Variants in ZNHIT6 observed in about 807,000 individuals in gnomAD.
The protein encoded by ZNHIT6 is zinc finger HIT-type containing 6.
ZNHIT6 carries 45 observed loss-of-function variants against 57.2 expected under a neutral mutation model. The observed-to-expected ratio is 0.79, with a 90% CI of 0.62 to 1.01. The LOEUF (loss-of-function observed/expected upper bound fraction) is 1.01. Among genes scored for constraint, ZNHIT6 ranks in the 50% least tolerant of loss-of-function variants. The pLI, the probability that ZNHIT6 is intolerant of heterozygous loss-of-function variation, is 0.00. For missense variants in ZNHIT6, 528 were observed against 567.3 expected, an observed-to-expected ratio of 0.93 and a Z score of 0.70; for synonymous variants, 188 against 190.0, an observed-to-expected ratio of 0.99 and a Z score of 0.09.
intron 6 of ZNHIT6, among the ~76,000 whole-genome samples, chr1:85,679,581 T>TTA (rs1553156725): frequency 1.1e-4 from 16 of 146,846 alleles, no homozygotes; most frequent in African/African-American, 2.3e-4. Flanking sequence ...TTTTTTTTTT[T>TTA]AATTTTTTTG....
In ZNHIT6 at chr1:85,708,398, C is replaced by A. The variant is rs1315580766; in HGVS notation, c.-114G>T. ...ACGGCGGCCCACGTGTGGAGCCAAGCAGCCACAAACCCGGAATAGCCTGCT... is the reference window on the plus strand; with the variant it reads ...ACGGCGGCCCACGTGTGGAGCCAAGAAGCCACAAACCCGGAATAGCCTGCT... On this transcript the variant is annotated 5_prime_UTR_variant, in exon 1 of 10. Coordinates refer to ENST00000370574, the MANE Select transcript of ZNHIT6 (RefSeq NM_017953.4). 11 of 1,348,374 alleles carry A rather than the reference C, an allele frequency of 8.2e-6. No homozygotes were observed. Among genetic ancestry groups the A allele is most frequent in the Non-Finnish European group, 1.1e-5 (11 of 1,004,462 alleles). 83.5% of individuals were successfully genotyped at this position (1,348,374 alleles called of 1,614,324 possible).
chr1:85,653,893 C>T lies in ZNHIT6; in HGVS notation c.*165G>A. The T allele has an allele frequency of 1.7e-6, 1 of 599,330 alleles. No individual in the cohort carries two copies. Among genetic ancestry groups the T allele is most frequent in the Non-Finnish European group, 2.9e-6 (1 of 342,112 alleles). The allele number at this position is 599,330 out of a possible 1,614,324, so 37.1% of individuals were successfully genotyped here. ...AATGGGTCTTACAAGTCAATTAATT[C>T]AAGAGGTTATAAAATACATTTTTTA... On this transcript the variant is annotated 3_prime_UTR_variant, in exon 10 of 10. Transcript: ENST00000370574.
intron 5 of ZNHIT6, among the ~76,000 whole-genome samples, chr1:85,688,648 T>A (rs923201295): frequency 2.6e-5 from 4 of 152,156 alleles, no homozygotes; most frequent in African/African-American, 7.2e-5. Context: ...CTTAAGAAAA[T>A]CAACATACTT....
chr1:85,704,176 T>G (rs1426410986), intron 4 of ZNHIT6, among the ~76,000 whole-genome samples: 2 of 152,112 alleles, frequency 1.3e-5, no homozygotes, highest in Non-Finnish European at 2.9e-5. Flanking sequence ...TTGGTGAGAG[T>G]GTAAACTAGT....
At position 85,662,228 on chromosome 1, in the gene ZNHIT6, A is replaced by G. The variant is rs547140423; in HGVS notation, c.1248-4257T>C. ...AAGAAACGAAATCACAAACCACTTT[A>G]TGTCCCATCTGATCACTGACACTCC... On this transcript the variant is annotated intron_variant, in intron 8 of 9. Transcript: ENST00000370574. Among the ~76,000 whole-genome samples, 4 of 151,676 alleles carry G rather than the reference A, an allele frequency of 2.6e-5. No homozygotes were observed. The South Asian group carries it at 8.3e-4, about 32-fold the overall frequency.
At position 85,662,333 on chromosome 1, in the gene ZNHIT6, G is replaced by A. The variant is rs1661249021; in HGVS notation, c.1248-4362C>T. On this transcript the variant is annotated intron_variant, in intron 8 of 9. Coordinates refer to ENST00000370574, the MANE Select transcript of ZNHIT6 (RefSeq NM_017953.4). ...CTCCAAATTTAGCAATCTAGTAGCA[G>A]GCCCTAGGCCACAGTATTTTTCCAC... Among the ~76,000 whole-genome samples the A allele has an allele frequency of 2.6e-5, 4 of 151,952 alleles. No individual in the cohort carries two copies. In the South Asian group the frequency reaches 8.3e-4, roughly 31 times the overall value.
chr1:85,693,491 A>ATATAGC (rs1437533358), intron 5 of ZNHIT6, among the ~76,000 whole-genome samples: 1 of 152,212 alleles, frequency 6.6e-6, no homozygotes, highest in Non-Finnish European at 1.5e-5. Flanking sequence ...GACTTGGACA[A>ATATAGC]TATAGCTGAA....
At position 85,658,187 on chromosome 1, in the gene ZNHIT6, C is replaced by A. The variant is rs555361238; in HGVS notation, c.1248-216G>T. Among the ~76,000 whole-genome samples, 10 of 152,024 alleles carry A rather than the reference C, an allele frequency of 6.6e-5. No individual in the cohort carries two copies. In the South Asian group the frequency reaches 1.9e-3, roughly 28 times the overall value. ...GTTCTAAAACTAAATAAAAAAAAAT[C>A]AAATATTCTGACATTAGGAAAGCTC... On this transcript the variant is annotated intron_variant, in intron 8 of 9. Coordinates refer to ENST00000370574, the MANE Select transcript of ZNHIT6 (RefSeq NM_017953.4).
At chr1:85,690,164 G>A (rs973859923) in intron 5 of ZNHIT6, among the ~76,000 whole-genome samples, 7 of 152,068 alleles carry the variant, frequency 4.6e-5, no homozygotes, top group Admixed American at 4.6e-4. Flanking sequence ...AAGGTGGAGA[G>A]AGACTATAAA....
Position 85,666,341 on chromosome 1 carries a change from G to C in ZNHIT6, c.1248-8370C>G, listed in dbSNP as rs17128061. On this transcript the variant is annotated intron_variant, in intron 8 of 9. Coordinates refer to ENST00000370574, the MANE Select transcript of ZNHIT6 (RefSeq NM_017953.4). ...AATATTCTATAACATAACAAGGATA[G>C]GTAAGTTTAGTAGATTAACATTACG... Among the ~76,000 whole-genome samples the C allele has an allele frequency of 9.4e-3, 1,427 of 152,146 alleles. 57 individuals are homozygous for C. Among genetic ancestry groups the C allele is most frequent in the Admixed American group, 0.063 (955 of 15,278 alleles).
Position 85,651,597 on chromosome 1 carries a change from C to A in ZNHIT6, c.*2461G>T, listed in dbSNP as rs981950343. The A allele has an allele frequency of 2.6e-5, 4 of 152,010 alleles. No homozygotes were observed. The highest frequency in any genetic ancestry group is 6.5e-5 in the Admixed American group (1 of 15,268). The allele number at this position is 152,010 out of a possible 1,614,324, so 9.4% of individuals were successfully genotyped here. A position where few individuals can be genotyped will look rare whatever the true frequency, so the allele number is the denominator to read the frequency against. ...TTTACTATAATTTATGACTATTAAT[C>A]CTATATGTATAATTAGCAATTATGA... On this transcript the variant is annotated 3_prime_UTR_variant, in exon 10 of 10. Transcript: ENST00000370574.
intron 5 of ZNHIT6, among the ~76,000 whole-genome samples, chr1:85,699,133 A>C (rs1409546839): frequency 6.6e-6 from 1 of 152,148 alleles, no homozygotes; most frequent in South Asian, 2.1e-4. Flanking sequence ...ATTGAAAACT[A>C]GTCTCTTAGA....
At chr1:85,697,651 T>C (rs780675560) in intron 5 of ZNHIT6, among the ~76,000 whole-genome samples, 132 of 152,204 alleles carry the variant, frequency 8.7e-4, no homozygotes, top group Non-Finnish European at 1.7e-3. Flanking sequence ...CATTCTTTTT[T>C]CAGATTTTTC....
chr1:85,682,351 T>C (rs1010520074), intron 5 of ZNHIT6, among the ~76,000 whole-genome samples: 1 of 151,936 alleles, frequency 6.6e-6, no homozygotes, highest in East Asian at 1.9e-4. Context: ...ATGCATAATA[T>C]AGTTTCTTCC....
intron 4 of ZNHIT6, among the ~76,000 whole-genome samples, chr1:85,702,571 G>T (rs1662567962): frequency 6.6e-6 from 1 of 152,150 alleles, no homozygotes; most frequent in Non-Finnish European, 1.5e-5. Flanking sequence ...AGCCAAAGAA[G>T]AATTTAATGG....
chr1:85,655,808 T>C (rs530460267), intron 9 of ZNHIT6, among the ~76,000 whole-genome samples: 1 of 152,280 alleles, frequency 6.6e-6, no homozygotes, highest in African/African-American at 2.4e-5. Context: ...GTTAACCTTT[T>C]CCATTACTGA....
Position 85,657,913 on chromosome 1 carries a change from T to C in ZNHIT6, c.1306A>G (p.Ile436Val). The C allele has an allele frequency of 1.2e-6, 2 of 1,600,198 alleles. No homozygotes were observed. The change falls in exon 9 of 10, where the codon ATT becomes GTT. Residue 436 changes from isoleucine (I) to valine (V), a missense_variant. By Grantham distance (29) the Ile-to-Val change is conservative. Coordinates refer to ENST00000370574, the MANE Select transcript of ZNHIT6 (RefSeq NM_017953.4). ...LLDNLRNKVI[I>V]EYPTLHVVLK... ...ACCACATGTAATGTTGGATACTCAATGATCACTTTGTTCCTCAAATTGTCT... is the reference window on the plus strand; with the variant it reads ...ACCACATGTAATGTTGGATACTCAACGATCACTTTGTTCCTCAAATTGTCT...
chr1:85,655,432 A>C (rs191549454), intron 9 of ZNHIT6, among the ~76,000 whole-genome samples: 1 of 152,208 alleles, frequency 6.6e-6, no homozygotes, highest in Non-Finnish European at 1.5e-5. Flanking sequence ...CCAGTAATCA[A>C]TTTTGGGTTG....
intron 5 of ZNHIT6, among the ~76,000 whole-genome samples, chr1:85,682,084 G>A (rs1275937380): frequency 6.7e-6 from 1 of 148,910 alleles, no homozygotes; most frequent in African/African-American, 2.5e-5. Flanking sequence ...CATGATCTCG[G>A]TTCACTGCAA....
Sources: gnomAD v4.1 joint callset for allele counts (sites outside exome capture counted in the v4.1 genomes callset) on GRCh38, gnomAD v4.1.1 for gene constraint, MANE v1.5 for transcripts, NCBI Gene and HGNC (gene_info 2026-07-23, HGNC 2026-07-21) for gene names.